The following DYNC1I1 variants were observed in gnomAD, a reference collection of about 807,000 sequenced individuals.
The protein encoded by DYNC1I1 is dynein cytoplasmic 1 intermediate chain 1, also known as cytoplasmic dynein 1 intermediate chain 1.
DYNC1I1 carries 43 observed loss-of-function variants against 86.6 expected under a neutral mutation model. The observed-to-expected ratio is 0.50, with a 90% CI of 0.39 to 0.64. DYNC1I1 has a LOEUF of 0.64. Among genes scored for constraint, DYNC1I1 ranks in the 30% least tolerant of loss-of-function variants. The pLI, the probability that DYNC1I1 is intolerant of heterozygous loss-of-function variation, is 0.00. For synonymous variants in DYNC1I1, 262 were observed against 283.7 expected, an observed-to-expected ratio of 0.92 and a Z score of 0.77; for missense variants, 604 against 788.8, an observed-to-expected ratio of 0.77 and a Z score of 2.81.
At chr7:95,954,741 A>G (rs1792659444) in intron 6 of DYNC1I1, among the ~76,000 whole-genome samples, 1 of 151,762 alleles carries the variant, frequency 6.6e-6, no homozygotes, top group Admixed American at 6.6e-5. Flanking sequence ...GTGAAACCCC[A>G]TCTCTACTAA....
intron 4 of DYNC1I1, among the ~76,000 whole-genome samples, chr7:95,823,266 A>G (rs1795119947): frequency 6.6e-6 from 1 of 152,074 alleles, no homozygotes. Context: ...TGGAATCTCT[A>G]ATCTTTTCAG....
intron 16 of DYNC1I1, among the ~76,000 whole-genome samples, chr7:96,094,601 C>T (rs940863252): frequency 1.3e-5 from 2 of 152,204 alleles, no homozygotes; most frequent in African/African-American, 4.8e-5. Context: ...AAAATTATTA[C>T]TTTGGGTGTA....
At chr7:96,084,993 A>G (rs1410711018) in intron 16 of DYNC1I1, among the ~76,000 whole-genome samples, 5 of 152,080 alleles carry the variant, frequency 3.3e-5, no homozygotes, top group African/African-American at 1.2e-4. Flanking sequence ...CTGAAGAGAG[A>G]CTGCTGTGAG....
chr7:96,012,162 T>G (rs774756549), intron 10 of DYNC1I1, among the ~76,000 whole-genome samples: 17 of 152,270 alleles, frequency 1.1e-4, no homozygotes, highest in Non-Finnish European at 2.1e-4. Flanking sequence ...GGATTGTGAT[T>G]GATGTGATGG....
intron 5 of DYNC1I1, among the ~76,000 whole-genome samples, chr7:95,858,695 C>T (rs74635228): frequency 0.011 from 1,727 of 151,684 alleles, 13 homozygotes; most frequent in Non-Finnish European, 0.018. Context: ...TATGGGGCCA[C>T]CATCATACAT....
intron 6 of DYNC1I1, among the ~76,000 whole-genome samples, chr7:95,887,162 C>T (rs1790615203): frequency 6.6e-6 from 1 of 152,156 alleles, no homozygotes; most frequent in Non-Finnish European, 1.5e-5. Context: ...TTAGAGTCAC[C>T]TAGGGAGCTT....
intron 1 of DYNC1I1, among the ~76,000 whole-genome samples, chr7:95,777,670 T>A (rs1428073440): frequency 6.6e-6 from 1 of 152,232 alleles, no homozygotes; most frequent in East Asian, 1.9e-4. Flanking sequence ...GAACAGCTAA[T>A]GCCATCAATG....
At chr7:95,894,738 G>A (rs34976358) in intron 6 of DYNC1I1, among the ~76,000 whole-genome samples, 18,702 of 152,152 alleles carry the variant, frequency 0.12, 1,230 homozygotes, top group East Asian at 0.22. Flanking sequence ...TCTGTGCTTC[G>A]GGATTCAATG....
intron 10 of DYNC1I1, among the ~76,000 whole-genome samples, chr7:96,024,627 T>C (rs181746611): frequency 1.3e-5 from 2 of 152,278 alleles, no homozygotes; most frequent in East Asian, 3.9e-4. Context: ...TGAATAACAA[T>C]ATAAAATTTC....
chr7:95,789,957 A>C (rs1049401281), intron 1 of DYNC1I1, among the ~76,000 whole-genome samples: 1 of 152,190 alleles, frequency 6.6e-6, no homozygotes, highest in African/African-American at 2.4e-5. Flanking sequence ...CTGTTACATC[A>C]CAGAAATGGC....
intron 5 of DYNC1I1, among the ~76,000 whole-genome samples, chr7:95,833,373 C>T (rs1246433471): frequency 9.3e-5 from 14 of 150,242 alleles, no homozygotes; most frequent in African/African-American, 1.5e-4. Flanking sequence ...GTTACTGTAG[C>T]CTTGTAGTAT....
At chr7:95,810,874 T>G (rs1424488051) in intron 3 of DYNC1I1, among the ~76,000 whole-genome samples, 1 of 152,114 alleles carries the variant, frequency 6.6e-6, no homozygotes, top group African/African-American at 2.4e-5. Context: ...CAGTGTCTCT[T>G]TGCCAATCTA....
intron 16 of DYNC1I1, 103 bp downstream of exon 16, chr7:96,080,591 C>G: frequency 6.3e-7 from 1 of 1,589,232 alleles, no homozygotes; most frequent in Non-Finnish European, 8.6e-7. Context: ...AGGACCCTCT[C>G]TAACGTGCTT....
intron 14 of DYNC1I1, among the ~76,000 whole-genome samples, chr7:96,070,985 A>T (rs922462991): frequency 2.6e-5 from 4 of 152,228 alleles, no homozygotes; most frequent in Non-Finnish European, 4.4e-5. Context: ...TCTAGAGATC[A>T]AGTCTTATTG....
At chr7:96,079,804 T>C (rs1030436781) in intron 15 of DYNC1I1, among the ~76,000 whole-genome samples, 1 of 152,192 alleles carries the variant, frequency 6.6e-6, no homozygotes, top group Non-Finnish European at 1.5e-5. Context: ...TTTGAGTTTT[T>C]TGAAAAATTT....
chr7:95,928,621 C>T (rs1791807758), intron 6 of DYNC1I1, among the ~76,000 whole-genome samples: 1 of 152,172 alleles, frequency 6.6e-6, no homozygotes, highest in South Asian at 2.1e-4. Context: ...CAGTGTTTGT[C>T]ACCTGGGCTT....
chr7:95,912,012 A>G (rs1791348526), intron 6 of DYNC1I1, among the ~76,000 whole-genome samples: 2 of 152,132 alleles, frequency 1.3e-5, no homozygotes, highest in African/African-American at 4.8e-5. Context: ...CTGCTTGTTT[A>G]GCACTCACTC....
chr7:95,931,389 A>T (rs1284140189), intron 6 of DYNC1I1, among the ~76,000 whole-genome samples: 1 of 152,132 alleles, frequency 6.6e-6, no homozygotes, highest in Non-Finnish European at 1.5e-5. Context: ...GCCTCAAGTG[A>T]TCCACCCACT....
chr7:95,896,987 A>C (rs7809646), intron 6 of DYNC1I1, among the ~76,000 whole-genome samples: 12,144 of 152,258 alleles, frequency 0.08, 716 homozygotes, highest in African/African-American at 0.17. Context: ...ATTGCTTATA[A>C]CTTGTAAGAC....
Sources: gnomAD v4.1 joint callset for allele counts (sites outside exome capture counted in the v4.1 genomes callset) on GRCh38, gnomAD v4.1.1 for gene constraint, MANE v1.5 for transcripts, NCBI Gene and HGNC (gene_info 2026-07-23, HGNC 2026-07-21) for gene names.